HSD17B4: variants seen among roughly 807,000 people sequenced by gnomAD.
HSD17B4 encodes the protein hydroxysteroid 17-beta dehydrogenase 4, also known as peroxisomal multifunctional enzyme type 2.
Under a neutral mutation model 101.0 loss-of-function variants are expected in HSD17B4, and 70 were observed. The observed-to-expected ratio is 0.69, with a 90% CI of 0.57 to 0.85. The LOEUF is 0.85. Among genes scored for constraint, HSD17B4 ranks in the 40% least tolerant of loss-of-function variants. The pLI is 0.00. For missense variants in HSD17B4, 984 were observed against 892.4 expected (o/e 1.10, Z -1.31); for synonymous variants, 347 against 297.1 (o/e 1.17, Z -1.73).
In HSD17B4 at chr5:119,531,409, G is replaced by A; in HGVS notation, c.1993+5G>A. The A allele has an allele frequency of 1.2e-6, 2 of 1,610,294 alleles. No individual in the cohort carries two copies. The highest frequency in any genetic ancestry group is 1.7e-6 in the Non-Finnish European group (2 of 1,176,736). On this transcript the variant is annotated splice_donor_5th_base_variant and intron_variant, in intron 22 of 23. Coordinates refer to ENST00000510025, the MANE Select transcript of HSD17B4 (RefSeq NM_000414.4). The stretch of plus-strand genomic sequence containing the variant: ...GAAATATTGGGGCTAAGTGGAGTAA[G>A]TTATAGCCCTGATTTTATAATATTC...
intron 11 of HSD17B4, among the ~76,000 whole-genome samples, chr5:119,494,345 CTTTCT>C (rs1750423701): frequency 6.9e-6 from 1 of 144,578 alleles, no homozygotes; most frequent in Non-Finnish European, 1.5e-5. Context: ...TTCTTTCTTT[CTTTCT>C]TTCTTTCTTT....
chr5:119,468,471 C>T (rs1387630737), intron 2 of HSD17B4, among the ~76,000 whole-genome samples: 1 of 150,988 alleles, frequency 6.6e-6, no homozygotes. Context: ...TGTAATGTTT[C>T]TGCAGATAAA....
At chr5:119,470,426 C>T (rs1756247225) in intron 2 of HSD17B4, among the ~76,000 whole-genome samples, 1 of 152,120 alleles carries the variant, frequency 6.6e-6, no homozygotes, top group South Asian at 2.1e-4. Context: ...CAGCTTGGGT[C>T]TCATGGGATA....
intron 17 of HSD17B4, among the ~76,000 whole-genome samples, chr5:119,518,953 C>T (rs1329061403): frequency 4.0e-5 from 6 of 151,818 alleles, no homozygotes; most frequent in Admixed American, 3.3e-4. Flanking sequence ...GGGGCAAGAA[C>T]TTGTCTCCAC....
intron 16 of HSD17B4, among the ~76,000 whole-genome samples, chr5:119,509,939 T>C (rs66534333): frequency 0.13 from 19,795 of 152,242 alleles, 2,075 homozygotes; most frequent in African/African-American, 0.29. Flanking sequence ...AACAGTAGGC[T>C]ATCAGTTGTT....
chr5:119,516,512 G>A (rs1480840753), intron 17 of HSD17B4, among the ~76,000 whole-genome samples: 2 of 151,924 alleles, frequency 1.3e-5, no homozygotes, highest in Admixed American at 6.6e-5. Context: ...ATATTTTGCT[G>A]CGTGACAAAA....
Position 119,474,477 on chromosome 5 carries a change from T to A in HSD17B4, c.280+17T>A. 2 of 1,544,448 alleles carry A rather than the reference T, an allele frequency of 1.3e-6. No homozygotes were observed. Among genetic ancestry groups the A allele is most frequent in the Non-Finnish European group, 1.8e-6 (2 of 1,116,446 alleles). On this transcript the variant is annotated intron_variant, in intron 4 of 23. Coordinates refer to ENST00000510025, the MANE Select transcript of HSD17B4 (RefSeq NM_000414.4). Reference sequence around the variant, plus strand: ...GAAGAATAGGTGATGTTTCTTTGTGTTATGGCTCTTGTGGAGCAACTTCTA... The same window carrying A: ...GAAGAATAGGTGATGTTTCTTTGTGATATGGCTCTTGTGGAGCAACTTCTA...
At chr5:119,477,321 T>C in intron 6 of HSD17B4, 96 bp from the exon 7 acceptor site, 1 of 867,738 alleles carries the variant, frequency 1.2e-6, no homozygotes, top group Non-Finnish European at 1.9e-6. Flanking sequence ...AGGTATAAAA[T>C]GAACATCTTT....
intron 2 of HSD17B4, among the ~76,000 whole-genome samples, chr5:119,468,424 A>C (rs1472780878): frequency 6.7e-6 from 1 of 150,068 alleles, no homozygotes; most frequent in Non-Finnish European, 1.5e-5. Context: ...TTTTTCTTTC[A>C]GCATTTTGAA....
chr5:119,527,081 G>A, intron 19 of HSD17B4, 52 bp from the exon 20 acceptor site: 5 of 1,087,884 alleles, frequency 4.6e-6, no homozygotes, highest in Non-Finnish European at 7.1e-6. Context: ...CCTCCTACAA[G>A]TAAAAGAGTT....
At chr5:119,471,573 CTA>C (rs1756371098) in intron 2 of HSD17B4, 1 of 643,330 alleles carries the variant, frequency 1.6e-6, no homozygotes, top group Non-Finnish European at 2.3e-6. Context: ...TTAATCATAA[CTA>C]TTACATTTTC....
At chr5:119,518,025 T>C (rs879848787) in intron 17 of HSD17B4, among the ~76,000 whole-genome samples, 29 of 152,086 alleles carry the variant, frequency 1.9e-4, no homozygotes, top group Non-Finnish European at 3.7e-4. Flanking sequence ...CACTCAGCTC[T>C]ACCAATCAGC....
At chr5:119,523,176 G>A (rs958126187) in intron 17 of HSD17B4, among the ~76,000 whole-genome samples, 2 of 151,884 alleles carry the variant, frequency 1.3e-5, no homozygotes, top group Admixed American at 1.3e-4. Context: ...AAAAGCACTA[G>A]TTTCCTGAGC....
At chr5:119,475,089 A>G (rs959758032) in intron 4 of HSD17B4, among the ~76,000 whole-genome samples, 7 of 152,084 alleles carry the variant, frequency 4.6e-5, no homozygotes, top group South Asian at 2.1e-4. Flanking sequence ...TGTTTGGTCT[A>G]TTACACTTAT....
intron 14 of HSD17B4, among the ~76,000 whole-genome samples, chr5:119,506,285 T>C (rs1751647387): frequency 6.6e-6 from 1 of 152,216 alleles, no homozygotes; most frequent in Non-Finnish European, 1.5e-5. Flanking sequence ...TCTGATCTTG[T>C]GATAGTTTGC....
At chr5:119,521,931 T>TA (rs1561482636) in intron 17 of HSD17B4, among the ~76,000 whole-genome samples, 3 of 151,328 alleles carry the variant, frequency 2.0e-5, no homozygotes, top group Non-Finnish European at 4.4e-5. Context: ...TTTTTTTTTT[T>TA]AAATATATAT....
At chr5:119,531,799 A>T (rs1754138302) in intron 22 of HSD17B4, among the ~76,000 whole-genome samples, 1 of 152,146 alleles carries the variant, frequency 6.6e-6, no homozygotes. Flanking sequence ...CAGTTACAAA[A>T]TTATTTTATT....
chr5:119,526,990 T>G, intron 19 of HSD17B4, 143 bp from the exon 20 acceptor site: 1 of 634,854 alleles, frequency 1.6e-6, no homozygotes, highest in South Asian at 1.9e-5. Flanking sequence ...ATATTATACT[T>G]AGGTCTTTTA....
chr5:119,502,180 A>G, intron 14 of HSD17B4, 88 bp downstream of exon 14: 1 of 859,902 alleles, frequency 1.2e-6, no homozygotes, highest in East Asian at 2.4e-5. Context: ...AAACTGGTAT[A>G]GAGTGACCTA....
Sources: gnomAD v4.1 joint callset for allele counts (sites outside exome capture counted in the v4.1 genomes callset) on GRCh38, gnomAD v4.1.1 for gene constraint, MANE v1.5 for transcripts, NCBI Gene and HGNC (gene_info 2026-07-23, HGNC 2026-07-21) for gene names.